Variants in SUMF1 observed in about 807,000 individuals in gnomAD.
SUMF1 encodes the protein sulfatase modifying factor 1.
A neutral mutation model predicts 47.6 loss-of-function variants in SUMF1; 48 were observed. The ratio of observed to expected loss-of-function variants is 1.01; its 90% CI spans 0.80 to 1.28. SUMF1 has a LOEUF of 1.28. Ranked by LOEUF, SUMF1 falls within the 50% of genes most tolerant of loss-of-function variation. The pLI, the probability that SUMF1 is intolerant of heterozygous loss-of-function variation, is 0.00. For missense variants in SUMF1, 571 were observed against 485.4 expected (o/e 1.18, Z -1.66); for synonymous variants, 230 against 192.1 (o/e 1.20, Z -1.63).
chr3:4,170,337 T>C (rs892018345), intron 8 of SUMF1, among the ~76,000 whole-genome samples: 1 of 152,178 alleles, frequency 6.6e-6, no homozygotes, highest in African/African-American at 2.4e-5. Context: ...AAAATTCAGA[T>C]TGCTGAGTGC....
chr3:4,102,618 C>G (rs1693061869), intron 8 of SUMF1, among the ~76,000 whole-genome samples: 1 of 152,096 alleles, frequency 6.6e-6, no homozygotes. Context: ...CTGAGATTTT[C>G]TAATAGTGCT....
chr3:4,135,417 TCAA>T (rs902289688), intron 8 of SUMF1, among the ~76,000 whole-genome samples: 2 of 152,082 alleles, frequency 1.3e-5, no homozygotes, highest in African/African-American at 2.4e-5. Flanking sequence ...TTGACAAAAT[TCAA>T]CAACGTTTCA....
At chr3:4,397,487 G>A (rs957791959) in intron 7 of SUMF1, among the ~76,000 whole-genome samples, 9 of 152,170 alleles carry the variant, frequency 5.9e-5, no homozygotes, top group Admixed American at 4.6e-4. Flanking sequence ...AATCTTCTGT[G>A]TTCTTCAGTG....
At chr3:4,315,949 A>G (rs2125106939) in intron 8 of SUMF1, among the ~76,000 whole-genome samples, 1 of 149,406 alleles carries the variant, frequency 6.7e-6, no homozygotes. Flanking sequence ...CAGGAGGCTG[A>G]GGTACGAGAA....
intron 6 of SUMF1, among the ~76,000 whole-genome samples, chr3:4,413,884 GAT>G (rs1701623953): frequency 6.6e-6 from 1 of 151,864 alleles, no homozygotes; most frequent in Non-Finnish European, 1.5e-5. Context: ...TTTTTTTTAA[GAT>G]AGAGTCTCAC....
At chr3:4,270,136 G>C (rs916589486) in intron 8 of SUMF1, among the ~76,000 whole-genome samples, 3 of 152,106 alleles carry the variant, frequency 2.0e-5, no homozygotes, top group African/African-American at 7.2e-5. Flanking sequence ...AAGAAACTGG[G>C]GTCAGAGCCG....
chr3:4,115,210 C>T lies in SUMF1; in HGVS notation c.1015-46465G>A, dbSNP rs542156639. On this transcript the variant is annotated intron_variant and NMD_transcript_variant, in intron 8 of 12. Coordinates refer to the SUMF1 transcript ENST00000448413. ...ATCAACAGCAGGACGACATGGAATT[C>T]GGCTGGGGGCAGCCAGTCTCCAGGG... 1.2e-4 allele frequency among the ~76,000 whole-genome samples: 19 copies of T among 152,156 alleles called. No homozygotes were observed. In the East Asian group the frequency reaches 3.7e-3, roughly 29 times the overall value.
At chr3:4,389,911 G>C (rs922438336) in intron 7 of SUMF1, among the ~76,000 whole-genome samples, 3 of 151,976 alleles carry the variant, frequency 2.0e-5, no homozygotes, top group African/African-American at 7.3e-5. Flanking sequence ...TTCTCCCATG[G>C]TTTCTTTAAA....
chr3:4,350,893 C>G (rs1699486196), intron 8 of SUMF1, among the ~76,000 whole-genome samples: 1 of 151,966 alleles, frequency 6.6e-6, no homozygotes, highest in African/African-American at 2.4e-5. Flanking sequence ...TCCACACTAC[C>G]CCTAAATAAA....
chr3:4,299,830 A>G (rs71313817), intron 8 of SUMF1, among the ~76,000 whole-genome samples: 2 of 152,206 alleles, frequency 1.3e-5, no homozygotes, highest in Non-Finnish European at 2.9e-5. Context: ...AAATAAAAAA[A>G]CAGTATCTGG....
intron 9 of SUMF1, among the ~76,000 whole-genome samples, chr3:4,048,795 G>C (rs1460851186): frequency 6.6e-6 from 1 of 151,978 alleles, no homozygotes; most frequent in African/African-American, 2.4e-5. Flanking sequence ...TACATAAATA[G>C]AGCCCTTCCC....
intron 8 of SUMF1, among the ~76,000 whole-genome samples, chr3:4,247,032 G>C (rs1696686999): frequency 6.6e-6 from 1 of 152,052 alleles, no homozygotes; most frequent in Non-Finnish European, 1.5e-5. Context: ...ATATGCATGA[G>C]GTGACTTCAT....
At chr3:4,236,829 A>G (rs1015988412) in intron 8 of SUMF1, among the ~76,000 whole-genome samples, 1 of 152,144 alleles carries the variant, frequency 6.6e-6, no homozygotes, top group Non-Finnish European at 1.5e-5. Flanking sequence ...TGACAAACGT[A>G]TAATGACAAA....
intron 8 of SUMF1, among the ~76,000 whole-genome samples, chr3:4,090,776 T>A (rs1332665029): frequency 6.6e-6 from 1 of 152,138 alleles, no homozygotes; most frequent in African/African-American, 2.4e-5. Flanking sequence ...AAAAATTGGG[T>A]AAACATTATC....
At chr3:4,253,843 C>T (rs1696872313) in intron 8 of SUMF1, among the ~76,000 whole-genome samples, 1 of 149,264 alleles carries the variant, frequency 6.7e-6, no homozygotes, top group Admixed American at 6.6e-5. Flanking sequence ...GCAGTAACCT[C>T]TGCAGACTTA....
intron 1 of SUMF1, among the ~76,000 whole-genome samples, chr3:4,457,552 C>A (rs2079696553): frequency 6.6e-6 from 1 of 151,942 alleles, no homozygotes; most frequent in African/African-American, 2.4e-5. Flanking sequence ...ACACAAAAAC[C>A]AATGGAACAG....
intron 8 of SUMF1, among the ~76,000 whole-genome samples, chr3:4,121,937 G>T (rs1380537930): frequency 6.6e-6 from 1 of 151,984 alleles, no homozygotes; most frequent in African/African-American, 2.4e-5. Context: ...TCATCATTCA[G>T]CTCCCATTTA....
chr3:4,140,280 A>G (rs1694042357), intron 8 of SUMF1, among the ~76,000 whole-genome samples: 1 of 152,068 alleles, frequency 6.6e-6, no homozygotes, highest in African/African-American at 2.4e-5. Flanking sequence ...TAGGGATCTT[A>G]TTTATACATC....
At chr3:4,371,608 T>C (rs1162808526) in intron 8 of SUMF1, among the ~76,000 whole-genome samples, 3 of 152,214 alleles carry the variant, frequency 2.0e-5, no homozygotes, top group Non-Finnish European at 4.4e-5. Context: ...CTTGGTAGGA[T>C]GGTGAGGATT....
Sources: gnomAD v4.1 joint callset for allele counts (sites outside exome capture counted in the v4.1 genomes callset) on GRCh38, gnomAD v4.1.1 for gene constraint, MANE v1.5 for transcripts, NCBI Gene and HGNC (gene_info 2026-07-23, HGNC 2026-07-21) for gene names.